TMEM131L: variants seen among roughly 807,000 people sequenced by gnomAD.
The protein encoded by TMEM131L is transmembrane 131 like, also known as transmembrane protein 131-like.
TMEM131L carries 54 observed loss-of-function variants against 192.2 expected under a neutral mutation model. The ratio of observed to expected loss-of-function variants is 0.28; its 90% CI spans 0.23 to 0.35. The LOEUF is 0.35. TMEM131L is among the 10% of genes least tolerant of loss of function. The pLI is 1.00. For synonymous variants in TMEM131L, 701 were observed against 704.9 expected, an observed-to-expected ratio of 0.99 and a Z score of 0.09; for missense variants, 1,888 against 1,972.9, an observed-to-expected ratio of 0.96 and a Z score of 0.82.
chr4:153,591,726 A>T (rs1731080762), intron 17 of TMEM131L, among the ~76,000 whole-genome samples: 1 of 152,206 alleles, frequency 6.6e-6, no homozygotes, highest in Non-Finnish European at 1.5e-5. Context: ...GACATGAATT[A>T]TAATGTATGA....
At chr4:153,566,869 C>T (rs2150569811) in intron 7 of TMEM131L, among the ~76,000 whole-genome samples, 1 of 152,314 alleles carries the variant, frequency 6.6e-6, no homozygotes, top group South Asian at 2.1e-4. Context: ...ACATTTCAGA[C>T]CAGGAATTCC....
chr4:153,623,702 C>A (rs1241630327), intron 29 of TMEM131L, among the ~76,000 whole-genome samples: 2 of 152,196 alleles, frequency 1.3e-5, no homozygotes, highest in Admixed American at 6.5e-5. Context: ...CCTTTTATTG[C>A]CGGGTAATAC....
chr4:153,548,315 T>C (rs376979841), intron 3 of TMEM131L, among the ~76,000 whole-genome samples: 1 of 150,522 alleles, frequency 6.6e-6, no homozygotes, highest in Non-Finnish European at 1.5e-5. Context: ...CTTTTTATTT[T>C]TTTGAGACGG....
At chr4:153,591,222 T>G (rs1731043872) in intron 17 of TMEM131L, 28 bp downstream of exon 17, 2 of 1,554,328 alleles carry the variant, frequency 1.3e-6, no homozygotes, top group African/African-American at 2.8e-5. Context: ...TTTCATTTCT[T>G]TGTCAGTGAC....
chr4:153,537,746 T>G (rs947542232), intron 3 of TMEM131L, among the ~76,000 whole-genome samples: 1 of 152,218 alleles, frequency 6.6e-6, no homozygotes, highest in Non-Finnish European at 1.5e-5. Flanking sequence ...TAGAATGCCT[T>G]AACTGTCTGG....
At chr4:153,602,033 T>C in intron 21 of TMEM131L, 119 bp from the exon 22 acceptor site, 1 of 579,322 alleles carries the variant, frequency 1.7e-6, no homozygotes, top group East Asian at 3.1e-5. Flanking sequence ...TGGATTTTTT[T>C]CGCATTTTAG....
At chr4:153,615,314 G>T (rs185083747) in intron 26 of TMEM131L, among the ~76,000 whole-genome samples, 3 of 152,206 alleles carry the variant, frequency 2.0e-5, no homozygotes, top group African/African-American at 7.2e-5. Flanking sequence ...AGAGAGGGAT[G>T]GCTGAACATT....
chr4:153,519,847 G>A (rs902312342), intron 3 of TMEM131L, among the ~76,000 whole-genome samples: 1 of 152,180 alleles, frequency 6.6e-6, no homozygotes, highest in Non-Finnish European at 1.5e-5. Context: ...TGCAAGAAAC[G>A]GGATTAGATA....
intron 3 of TMEM131L, among the ~76,000 whole-genome samples, chr4:153,498,097 C>CT (rs1733320250): frequency 6.6e-6 from 1 of 152,144 alleles, no homozygotes; most frequent in Admixed American, 6.6e-5. Context: ...CTGCTATTCT[C>CT]TGAGTTTATG....
In TMEM131L at chr4:153,612,395, G is replaced by T. The variant is rs150625995; in HGVS notation, c.3562G>T (p.Val1188Leu). The change falls in exon 26 of 35, where the codon GTA (valine) becomes TTA (leucine). Residue 1188 changes from valine to leucine, a missense_variant. Coordinates refer to ENST00000409959, the MANE Select transcript of TMEM131L (RefSeq NM_001131007.2). ...TTCTGAGAAACAGGACATACCTTTC[G>T]TAGAGGTCTGTATTTTTTTTCTTGC... ...MFSEKQDIPFVEQEDPYRKKK... is the reference protein window; with the variant it reads ...MFSEKQDIPFLEQEDPYRKKK... 8.2e-6 allele frequency: 13 copies of T among 1,585,348 alleles called. No homozygotes were observed. Among genetic ancestry groups the T allele is most frequent in the South Asian group, 3.6e-5 (3 of 82,368 alleles).
Position 153,635,536 on chromosome 4 carries a change from G to C in TMEM131L, c.4522G>C (p.Ala1508Pro). Residue 1508 changes from alanine (A) to proline (P), a missense_variant, in exon 34 of 35, where the codon GCT becomes CCT. Transcript: ENST00000409959. ...CTGGAACACCCCACCCAACATGCCT[G>C]CTGCCTGGGGACATGCCAGTTTCAT... ...STWNTPPNMP[A>P]AWGHASFISS... 1.2e-6 allele frequency: 2 copies of C among 1,614,180 alleles called. No individual in the cohort carries two copies. Among genetic ancestry groups the C allele is most frequent in the Non-Finnish European group, 1.7e-6 (2 of 1,180,024 alleles).
At chr4:153,634,376 G>T in intron 33 of TMEM131L, 96 bp downstream of exon 33, 1 of 1,018,688 alleles carries the variant, frequency 9.8e-7, no homozygotes. Context: ...TTAACAGCGA[G>T]CAGACTTTGA....
At chr4:153,570,225 C>T (rs1729493845) in intron 7 of TMEM131L, among the ~76,000 whole-genome samples, 1 of 152,162 alleles carries the variant, frequency 6.6e-6, no homozygotes, top group Admixed American at 6.5e-5. Context: ...ATTAACTTCA[C>T]ATCCAAAAAA....
chr4:153,588,819 C>A, intron 15 of TMEM131L, 71 bp from the exon 16 acceptor site: 1 of 811,600 alleles, frequency 1.2e-6, no homozygotes, highest in South Asian at 1.5e-5. Context: ...TAATATTAAG[C>A]CCTTGGCATT....
At chr4:153,603,732 A>C in intron 24 of TMEM131L, 70 bp from the exon 25 acceptor site, 2 of 1,467,534 alleles carry the variant, frequency 1.4e-6, no homozygotes, top group Non-Finnish European at 1.8e-6. Flanking sequence ...TTTCTCATGG[A>C]TATGGAAGCA....
Position 153,631,969 on chromosome 4 carries a change from C to T in TMEM131L, c.4208-749C>T, listed in dbSNP as rs76487825. ...TGGACTCACTTCCTCACGTCAATCACGTCTTTGAGGAGCTGTTTTCTCAGT... is the reference window on the plus strand; with the variant it reads ...TGGACTCACTTCCTCACGTCAATCATGTCTTTGAGGAGCTGTTTTCTCAGT... On this transcript the variant is annotated intron_variant, in intron 31 of 34. Coordinates refer to ENST00000409959, the MANE Select transcript of TMEM131L (RefSeq NM_001131007.2). Among the ~76,000 whole-genome samples, 14 of 152,306 alleles carry T rather than the reference C, an allele frequency of 9.2e-5. No individual in the cohort carries two copies. The South Asian group carries it at 1.4e-3, about 16-fold the overall frequency.
At chr4:153,487,693 CGTGTGTGTGTGT>C (rs140651689) in intron 3 of TMEM131L, among the ~76,000 whole-genome samples, 1 of 142,020 alleles carries the variant, frequency 7.0e-6, no homozygotes, top group Non-Finnish European at 1.5e-5. Context: ...GCTGCACAGG[CGTGTGTGTGTGT>C]GTGTGTGTGT....
chr4:153,495,475 G>A (rs1273528551), intron 3 of TMEM131L, among the ~76,000 whole-genome samples: 2 of 152,172 alleles, frequency 1.3e-5, no homozygotes, highest in African/African-American at 4.8e-5. Flanking sequence ...GGTATAAGGG[G>A]AGGGCAGGGG....
chr4:153,503,575 T>A (rs749961470), intron 3 of TMEM131L, among the ~76,000 whole-genome samples: 23 of 152,150 alleles, frequency 1.5e-4, no homozygotes, highest in Non-Finnish European at 2.6e-4. Flanking sequence ...TTAAAAAAAA[T>A]TGGTGCATAT....
Sources: gnomAD v4.1 joint callset for allele counts (sites outside exome capture counted in the v4.1 genomes callset) on GRCh38, gnomAD v4.1.1 for gene constraint, MANE v1.5 for transcripts, NCBI Gene and HGNC (gene_info 2026-07-23, HGNC 2026-07-21) for gene names.